The following GRID1 variants were observed in gnomAD, a reference collection of about 807,000 sequenced individuals.
GRID1 encodes glutamate receptor ionotropic, delta-1.
In GRID1, 28 loss-of-function variants were observed where a neutral mutation model predicts 98.0. The ratio of observed to expected loss-of-function variants is 0.29; its 90% confidence interval spans 0.21 to 0.39. The LOEUF (loss-of-function observed/expected upper bound fraction) is 0.39, where lower values mean the gene tolerates loss of function less well. Among genes scored for constraint, GRID1 ranks in the 10% least tolerant of loss-of-function variants. The pLI, the probability that GRID1 is intolerant of heterozygous loss-of-function variation, is 1.00. For synonymous variants in GRID1, 553 were observed against 538.5 expected (o/e 1.03, Z -0.37); for missense variants, 1,111 against 1,340.5 (o/e 0.83, Z 2.67).
intron 15 of GRID1, among the ~76,000 whole-genome samples, chr10:85,603,660 G>T (rs1336703928): frequency 1.3e-5 from 2 of 152,212 alleles, no homozygotes; most frequent in African/African-American, 4.8e-5. Context: ...TGTGAGGTGG[G>T]CACAGGACCT....
At chr10:86,276,420 G>A (rs1327887184) in intron 2 of GRID1, among the ~76,000 whole-genome samples, 1 of 151,830 alleles carries the variant, frequency 6.6e-6, no homozygotes, top group Non-Finnish European at 1.5e-5. Context: ...AAGTTCACAA[G>A]TTCACATTCT....
At chr10:86,250,758 G>A (rs1846813424) in intron 2 of GRID1, among the ~76,000 whole-genome samples, 1 of 151,478 alleles carries the variant, frequency 6.6e-6, no homozygotes. Flanking sequence ...CCCGGTCTGG[G>A]AAGTGGGGAG....
intron 4 of GRID1, among the ~76,000 whole-genome samples, chr10:85,970,861 A>T (rs1329538900): frequency 1.3e-5 from 2 of 152,070 alleles, no homozygotes; most frequent in Non-Finnish European, 2.9e-5. Flanking sequence ...ATTTTAAAAC[A>T]TCTAGAAGGA....
intron 4 of GRID1, among the ~76,000 whole-genome samples, chr10:85,961,761 C>G (rs968193633): frequency 1.3e-5 from 2 of 151,794 alleles, no homozygotes; most frequent in African/African-American, 4.8e-5. Context: ...TCCTTCCTCC[C>G]TCTCTTCCCT....
intron 8 of GRID1, among the ~76,000 whole-genome samples, chr10:85,840,812 C>A (rs747713698): frequency 6.6e-6 from 1 of 152,032 alleles, no homozygotes; most frequent in Non-Finnish European, 1.5e-5. Context: ...AAGAGAACTA[C>A]AAAACACTTC....
chr10:86,158,418 C>G (rs1479981398), intron 3 of GRID1, among the ~76,000 whole-genome samples: 1 of 152,222 alleles, frequency 6.6e-6, no homozygotes, highest in East Asian at 1.9e-4. Flanking sequence ...TACTCACTCA[C>G]CTACTAAGCC....
In GRID1 at chr10:85,602,681, C is replaced by T. The variant is rs1464580097; in HGVS notation, c.2622G>A (p.Glu874=). 3 of 1,612,528 alleles carry T rather than the reference C, an allele frequency of 1.9e-6. No individual in the cohort carries two copies. Among genetic ancestry groups the T allele is most frequent in the East Asian group, 2.2e-5 (1 of 44,836 alleles). Residue 874 remains glutamate, a synonymous_variant, in exon 16 of 16, where the codon GAG becomes GAA. Transcript: ENST00000327946. Reference sequence around the variant, plus strand: ...GGCTGTTCATGCGCCGGTGGACCTGCTCCAAGTTCACTTCTTTGTCCTGGA... The same window carrying T: ...GGCTGTTCATGCGCCGGTGGACCTGTTCCAAGTTCACTTCTTTGTCCTGGA... ...TPKEDKEVNL[E]QVHRRMNSLM...
chr10:85,602,946 T>C (rs771406705), intron 15 of GRID1, among the ~76,000 whole-genome samples: 2 of 152,314 alleles, frequency 1.3e-5, no homozygotes, highest in Non-Finnish European at 2.9e-5. Context: ...CTTGGCTGCA[T>C]CCTGCCTTGC....
intron 8 of GRID1, among the ~76,000 whole-genome samples, chr10:85,746,125 C>A (rs1841994318): frequency 6.6e-6 from 1 of 152,140 alleles, no homozygotes; most frequent in Admixed American, 6.6e-5. Flanking sequence ...TCATTTGTCT[C>A]TTTGGATTTA....
intron 2 of GRID1, among the ~76,000 whole-genome samples, chr10:86,351,060 G>A (rs1848455263): frequency 6.6e-6 from 1 of 152,162 alleles, no homozygotes; most frequent in Non-Finnish European, 1.5e-5. Context: ...TTTTGAACAG[G>A]CAATCACCAG....
chr10:86,021,630 T>C (rs1843050263), intron 4 of GRID1, among the ~76,000 whole-genome samples: 1 of 152,116 alleles, frequency 6.6e-6, no homozygotes, highest in African/African-American at 2.4e-5. Context: ...TCCACATTAT[T>C]ACCATCCCAT....
chr10:86,163,438 G>A (rs1258767205), intron 3 of GRID1, among the ~76,000 whole-genome samples: 1 of 146,864 alleles, frequency 6.8e-6, no homozygotes, highest in Non-Finnish European at 1.5e-5. Flanking sequence ...TATACTTTAA[G>A]TTCTAGGGTC....
intron 4 of GRID1, among the ~76,000 whole-genome samples, chr10:86,091,809 G>A (rs1307441390): frequency 6.6e-6 from 1 of 152,164 alleles, no homozygotes; most frequent in Admixed American, 6.5e-5. Flanking sequence ...CACATCACAG[G>A]ACTCTGTGCA....
chr10:85,683,921 C>A (rs1304872341), intron 12 of GRID1, among the ~76,000 whole-genome samples: 1 of 152,150 alleles, frequency 6.6e-6, no homozygotes, highest in East Asian at 1.9e-4. Flanking sequence ...CAAAGGAACA[C>A]TACATTCCAC....
intron 4 of GRID1, among the ~76,000 whole-genome samples, chr10:86,019,470 C>A (rs1037541267): frequency 5.9e-5 from 9 of 152,228 alleles, no homozygotes; most frequent in African/African-American, 2.2e-4. Context: ...TTTCCCCTTT[C>A]CTGCCCATGA....
chr10:86,057,669 G>A (rs916327045), intron 4 of GRID1, among the ~76,000 whole-genome samples: 2 of 151,958 alleles, frequency 1.3e-5, no homozygotes, highest in African/African-American at 4.8e-5. Flanking sequence ...CCACTCTCAG[G>A]TCTCACCTCA....
chr10:85,727,657 T>C (rs1227814431), intron 10 of GRID1, among the ~76,000 whole-genome samples, 198 bp downstream of exon 10: 1 of 152,058 alleles, frequency 6.6e-6, no homozygotes, highest in Non-Finnish European at 1.5e-5. Flanking sequence ...ACATAGAGTG[T>C]CAGAGACGAG....
intron 4 of GRID1, among the ~76,000 whole-genome samples, chr10:85,952,622 C>T (rs1364312857): frequency 6.6e-6 from 1 of 151,890 alleles, no homozygotes; most frequent in Non-Finnish European, 1.5e-5. Context: ...CCAAAGAAAG[C>T]CTTCTGCCAC....
At chr10:85,751,244 G>T (rs1842043153) in intron 8 of GRID1, among the ~76,000 whole-genome samples, 2 of 152,162 alleles carry the variant, frequency 1.3e-5, no homozygotes, top group Non-Finnish European at 2.9e-5. Flanking sequence ...CCCTTCTCTT[G>T]GTAGTGTTAT....
Sources: gnomAD v4.1 joint callset for allele counts (sites outside exome capture counted in the v4.1 genomes callset) on GRCh38, gnomAD v4.1.1 for gene constraint, MANE v1.5 for transcripts, NCBI Gene and HGNC (gene_info 2026-07-23, HGNC 2026-07-21) for gene names.